The following EYS variants were observed in gnomAD, a reference collection of about 807,000 sequenced individuals.
EYS encodes the protein protein eyes shut homolog.
In EYS, 250 loss-of-function variants were observed where a neutral mutation model predicts 282.1. The ratio of observed to expected loss-of-function variants is 0.89; its 90% CI spans 0.80 to 0.98. The LOEUF is 0.98. EYS is among the 50% of genes least tolerant of loss of function. EYS has a pLI of 0.00. For synonymous variants in EYS, 1,355 were observed against 1,282.9 expected (o/e 1.06, Z -1.20); for missense variants, 4,016 against 3,709.0 (o/e 1.08, Z -2.15).
At chr6:65,036,253 G>A (rs759247446) in intron 13 of EYS, among the ~76,000 whole-genome samples, 9 of 151,764 alleles carry the variant, frequency 5.9e-5, no homozygotes, top group African/African-American at 1.5e-4. Context: ...TCAATAAACG[G>A]TGCTGAGATA....
chr6:65,447,316 G>A (rs1407496119), intron 5 of EYS, among the ~76,000 whole-genome samples: 1 of 88,136 alleles, frequency 1.1e-5, no homozygotes, highest in Non-Finnish European at 2.6e-5. Flanking sequence ...CTGTGTGTGT[G>A]TATATATATG....
intron 8 of EYS, among the ~76,000 whole-genome samples, chr6:65,355,737 T>C (rs1469235843): frequency 6.6e-6 from 1 of 152,010 alleles, no homozygotes; most frequent in Non-Finnish European, 1.5e-5. Context: ...ATGCTCAACA[T>C]CACCAATCAT....
intron 35 of EYS, among the ~76,000 whole-genome samples, chr6:63,888,714 A>G (rs1014347061): frequency 2.6e-5 from 4 of 152,242 alleles, no homozygotes; most frequent in African/African-American, 4.8e-5. Flanking sequence ...AAATTCCAAA[A>G]ACCAGAATGC....
intron 2 of EYS, among the ~76,000 whole-genome samples, chr6:65,622,274 C>G (rs1228998101): frequency 6.6e-6 from 1 of 152,060 alleles, no homozygotes; most frequent in Admixed American, 6.5e-5. Context: ...TTCTTTATTT[C>G]TACAGGCTAC....
chr6:65,610,413 G>T lies in EYS; in HGVS notation c.-333+29365C>A, dbSNP rs9342487. On this transcript the variant is annotated intron_variant, in intron 2 of 42. Transcript: ENST00000503581. ...ATCTAAATTGGTGAGGGCAGAAAAGGATACGCAGATAAATTTTGTTCCATC... is the reference window on the plus strand; with the variant it reads ...ATCTAAATTGGTGAGGGCAGAAAAGTATACGCAGATAAATTTTGTTCCATC... Among the ~76,000 whole-genome samples, 82 of 152,116 alleles carry T rather than the reference G, an allele frequency of 5.4e-4. No homozygotes were observed. The East Asian group carries it at 0.012, about 22-fold the overall frequency.
chr6:65,546,448 C>T (rs888672197), intron 2 of EYS, among the ~76,000 whole-genome samples: 9 of 151,936 alleles, frequency 5.9e-5, no homozygotes, highest in Admixed American at 3.9e-4. Context: ...TTTTATTTAA[C>T]TCACTGATTA....
intron 22 of EYS, among the ~76,000 whole-genome samples, chr6:64,728,640 A>C (rs1376629175): frequency 1.3e-5 from 2 of 152,072 alleles, no homozygotes; most frequent in African/African-American, 2.4e-5. Context: ...CAGCCATGTT[A>C]CAGTGTTCTT....
rs570931427 is a variant in EYS at position 64,684,594 on chromosome 6, T to A, written c.3444-58349A>T. Among the ~76,000 whole-genome samples, 18 of 149,628 alleles carry A rather than the reference T, an allele frequency of 1.2e-4. No individual in the cohort carries two copies. In the South Asian group the frequency reaches 1.3e-3, roughly 11 times the overall value. ...TAACACATAATTATAGGAAAAAAAA[T>A]ATATAGAGAGAGAGATATATATGTA... On this transcript the variant is annotated intron_variant, in intron 22 of 42. Coordinates refer to ENST00000503581, the MANE Select transcript of EYS (RefSeq NM_001142800.2).
chr6:64,896,057 T>C (rs1348042066), intron 18 of EYS, among the ~76,000 whole-genome samples: 1 of 151,982 alleles, frequency 6.6e-6, no homozygotes, highest in African/African-American at 2.4e-5. Flanking sequence ...TAAATACAAC[T>C]AACAAAGATA....
At chr6:65,590,682 A>C (rs982566772) in intron 2 of EYS, among the ~76,000 whole-genome samples, 1 of 151,996 alleles carries the variant, frequency 6.6e-6, no homozygotes, top group African/African-American at 2.4e-5. Context: ...CTTTACTTCT[A>C]GAAGATCAAC....
intron 30 of EYS, among the ~76,000 whole-genome samples, chr6:64,283,480 G>A (rs971538159): frequency 6.6e-6 from 1 of 151,884 alleles, no homozygotes; most frequent in Non-Finnish European, 1.5e-5. Context: ...AACACATATG[G>A]GGTACTCTGA....
intron 12 of EYS, among the ~76,000 whole-genome samples, chr6:65,224,194 A>G (rs1302539631): frequency 1.3e-5 from 2 of 152,206 alleles, no homozygotes; most frequent in African/African-American, 4.8e-5. Flanking sequence ...AAATATTAAA[A>G]AAATTGAAGT....
intron 2 of EYS, among the ~76,000 whole-genome samples, chr6:65,591,062 C>T (rs1199232852): frequency 9.9e-5 from 15 of 151,824 alleles, no homozygotes; most frequent in Non-Finnish European, 1.5e-5. Flanking sequence ...TACTTTTTTC[C>T]AAAATGGCTG....
At chr6:64,321,522 A>C (rs1312079303) in intron 29 of EYS, among the ~76,000 whole-genome samples, 2 of 151,904 alleles carry the variant, frequency 1.3e-5, no homozygotes, top group African/African-American at 4.8e-5. Context: ...GACTTTAATA[A>C]ATTACACGTG....
At position 64,969,684 on chromosome 6, in the gene EYS, G is replaced by T. The variant is rs148743643; in HGVS notation, c.2260-23770C>A. ...CATTCCAAGATAATAACATGAAACT[G>T]CTCTCCCTAGGATTTAATCCCACAT... is the stretch of plus-strand genomic sequence containing the variant. On this transcript the variant is annotated intron_variant, in intron 14 of 42. Transcript: ENST00000503581. Among the ~76,000 whole-genome samples the T allele has an allele frequency of 2.2e-3, 333 of 152,102 alleles. 1 individual carries two copies. The highest frequency in any genetic ancestry group is 9.9e-3 in the East Asian group (51 of 5,130).
chr6:64,561,738 T>TG (rs1765399862), intron 26 of EYS, among the ~76,000 whole-genome samples: 1 of 152,008 alleles, frequency 6.6e-6, no homozygotes, highest in African/African-American at 2.4e-5. Context: ...ATCATTAAAA[T>TG]GGTTATACTA....
chr6:64,694,054 A>T (rs1770491588), intron 22 of EYS, among the ~76,000 whole-genome samples: 1 of 152,178 alleles, frequency 6.6e-6, no homozygotes, highest in Admixed American at 6.5e-5. Flanking sequence ...AACTGATATA[A>T]TCTTGTTTTG....
intron 30 of EYS, among the ~76,000 whole-genome samples, chr6:64,290,378 T>C (rs765976163): frequency 1.1e-4 from 17 of 152,076 alleles, no homozygotes; most frequent in East Asian, 9.6e-4. Flanking sequence ...AGTAGTGAGA[T>C]GGAAGCTGGA....
At chr6:64,493,276 A>G (rs1052945645) in intron 26 of EYS, among the ~76,000 whole-genome samples, 5 of 151,490 alleles carry the variant, frequency 3.3e-5, no homozygotes, top group African/African-American at 1.2e-4. Context: ...TGCAAATCAA[A>G]ATGATTAAAT....
Sources: gnomAD v4.1 joint callset for allele counts (sites outside exome capture counted in the v4.1 genomes callset) on GRCh38, gnomAD v4.1.1 for gene constraint, MANE v1.5 for transcripts, NCBI Gene and HGNC (gene_info 2026-07-23, HGNC 2026-07-21) for gene names.